Variants in GNAL observed in about 807,000 individuals in gnomAD.
GNAL encodes the protein G protein subunit alpha L.
In GNAL, 18 loss-of-function variants were observed where a neutral mutation model predicts 55.1. The ratio of observed to expected loss-of-function variants is 0.33; its 90% confidence interval spans 0.23 to 0.48. The LOEUF is 0.48. Among genes scored for constraint, GNAL ranks in the 20% least tolerant of loss-of-function variants. GNAL has a pLI of 0.99. For missense variants in GNAL, 412 were observed against 614.1 expected, an observed-to-expected ratio of 0.67 and a Z score of 3.48; for synonymous variants, 253 against 237.0, an observed-to-expected ratio of 1.07 and a Z score of -0.62.
intron 1 of GNAL, among the ~76,000 whole-genome samples, chr18:11,730,036 C>T (rs192244456): frequency 0.018 from 2,724 of 151,370 alleles, 87 homozygotes; most frequent in African/African-American, 0.064. Flanking sequence ...CTTTTCTTTT[C>T]TTTTCTTTTT....
intron 5 of GNAL, among the ~76,000 whole-genome samples, chr18:11,844,734 C>T (rs1449089173): frequency 2.0e-5 from 3 of 152,334 alleles, no homozygotes; most frequent in East Asian, 1.9e-4. Flanking sequence ...TGACTTCTCA[C>T]AATCTGTTCC....
intron 4 of GNAL, 29 bp downstream of exon 4, chr18:11,753,974 C>T (rs746198959): frequency 6.5e-7 from 1 of 1,541,876 alleles, no homozygotes; most frequent in Non-Finnish European, 8.9e-7. Context: ...AATATTCTAA[C>T]TAGTGAAAGA....
chr18:11,851,654 C>T (rs758967526), intron 5 of GNAL: 3 of 1,613,980 alleles, frequency 1.9e-6, no homozygotes, highest in Admixed American at 1.7e-5. Flanking sequence ...ATGGAAGTTG[C>T]GAGGATACAC....
At chr18:11,819,720 A>AT (rs923394376) in intron 4 of GNAL, among the ~76,000 whole-genome samples, 8 of 152,032 alleles carry the variant, frequency 5.3e-5, no homozygotes, top group African/African-American at 1.9e-4. Context: ...CACAAAAAAA[A>AT]CCCTGAAATT....
intron 1 of GNAL, among the ~76,000 whole-genome samples, chr18:11,750,914 G>C (rs1350348930): frequency 1.3e-5 from 2 of 152,130 alleles, no homozygotes. Context: ...GAGTGGAGAG[G>C]GGAAGGTGCG....
Position 11,759,062 on chromosome 18 carries a change from A to G in GNAL, c.624+5117A>G, listed in dbSNP as rs185740172. Among the ~76,000 whole-genome samples, 907 of 152,226 alleles carry G rather than the reference A, an allele frequency of 6.0e-3. 14 individuals carry two copies. Among genetic ancestry groups the G allele is most frequent in the African/African-American group, 0.02 (851 of 41,518 alleles). Reference sequence around the variant, plus strand: ...GTGGCGGGCGCCTGTAATCCCAGCTACTAGGGAGGCTGAGGCAGGAGAATA... The same window carrying G: ...GTGGCGGGCGCCTGTAATCCCAGCTGCTAGGGAGGCTGAGGCAGGAGAATA... On this transcript the variant is annotated intron_variant, in intron 4 of 11. Transcript: ENST00000334049.
intron 5 of GNAL, among the ~76,000 whole-genome samples, chr18:11,838,687 C>T (rs1261912832): frequency 1.3e-5 from 2 of 152,120 alleles, no homozygotes; most frequent in East Asian, 1.9e-4. Context: ...CCATGTGCCA[C>T]GCATGGTGAC....
chr18:11,775,728 C>T lies in GNAL; in HGVS notation c.624+21783C>T, dbSNP rs115689555. On this transcript the variant is annotated intron_variant, in intron 4 of 11. Transcript: ENST00000334049. ...AATTCCCAGGGGTTCCCGGTGTCTA[C>T]AACACAAATACAGTGACTGACGCAA... Among the ~76,000 whole-genome samples the T allele has an allele frequency of 7.4e-3, 1,120 of 152,282 alleles. 7 individuals carry two copies. The highest frequency in any genetic ancestry group is 0.026 in the African/African-American group (1,060 of 41,548).
At chr18:11,694,297 T>G (rs1355888597) in intron 1 of GNAL, among the ~76,000 whole-genome samples, 1 of 152,210 alleles carries the variant, frequency 6.6e-6, no homozygotes, top group Non-Finnish European at 1.5e-5. Context: ...GCTCCTCTCA[T>G]GGAGCACTGG....
chr18:11,819,457 A>T (rs1242848554), intron 4 of GNAL, among the ~76,000 whole-genome samples: 3 of 152,172 alleles, frequency 2.0e-5, no homozygotes, highest in African/African-American at 7.2e-5. Context: ...CTTTTAAAAA[A>T]TAGGTTTAAA....
At chr18:11,862,761 A>G (rs1393586074) in intron 6 of GNAL, among the ~76,000 whole-genome samples, 1 of 151,980 alleles carries the variant, frequency 6.6e-6, no homozygotes, top group Non-Finnish European at 1.5e-5. Flanking sequence ...TCCTGGCTTC[A>G]TAAACTATGC....
intron 1 of GNAL, among the ~76,000 whole-genome samples, chr18:11,700,898 C>T (rs753257854): frequency 6.6e-6 from 1 of 152,236 alleles, no homozygotes; most frequent in Non-Finnish European, 1.5e-5. Context: ...CAATGATACC[C>T]ATTCTTTGAG....
intron 4 of GNAL, among the ~76,000 whole-genome samples, chr18:11,779,948 G>C (rs375440125): frequency 1.3e-5 from 2 of 152,130 alleles, no homozygotes; most frequent in Admixed American, 1.3e-4. Flanking sequence ...TATGGAGAAG[G>C]CTTCTTCAGC....
intron 5 of GNAL, among the ~76,000 whole-genome samples, chr18:11,835,959 AC>A (rs2035488999): frequency 6.6e-6 from 1 of 152,118 alleles, no homozygotes; most frequent in Non-Finnish European, 1.5e-5. Context: ...AGCCTGGGTA[AC>A]ATGTTGAGAC....
Position 11,752,395 on chromosome 18 carries a change from A to G in GNAL, c.377-458A>G, listed in dbSNP as rs2143095480. ...TCCAACTCTCTATTGCTTTTTGCGC[A>G]CATTCCTAACTTCCTGACGTCCATC... On this transcript the variant is annotated intron_variant, in intron 1 of 11. Coordinates refer to ENST00000334049, the MANE Select transcript of GNAL (RefSeq NM_182978.4). This position sits in a 1 kb window ranked among gnomAD's most constrained non-coding sequence, Gnocchi z 4.5. 1 of 1,578,610 alleles carries G rather than the reference A, an allele frequency of 6.3e-7. No homozygotes were observed.
intron 2 of GNAL, 37 bp from the exon 3 acceptor site, chr18:11,753,591 A>G (rs1568011099): frequency 7.9e-7 from 1 of 1,268,848 alleles, no homozygotes. Flanking sequence ...CAGTGCTAAG[A>G]GTAAATTAAG....
intron 1 of GNAL, among the ~76,000 whole-genome samples, chr18:11,739,694 G>A (rs1419600190): frequency 6.6e-6 from 1 of 151,710 alleles, no homozygotes; most frequent in African/African-American, 2.4e-5. Flanking sequence ...CTTAAATTCA[G>A]GAAATACCTT....
intron 1 of GNAL, among the ~76,000 whole-genome samples, chr18:11,713,408 T>A (rs1312422951): frequency 6.6e-6 from 1 of 152,222 alleles, no homozygotes; most frequent in African/African-American, 2.4e-5. Flanking sequence ...TTTGGGTTTC[T>A]CCAGTTGGTC....
chr18:11,773,805 T>C (rs578003014), intron 4 of GNAL, among the ~76,000 whole-genome samples: 2 of 152,222 alleles, frequency 1.3e-5, no homozygotes, highest in African/African-American at 4.8e-5. Flanking sequence ...TCACAATAGT[T>C]TTACGCATAT....
Sources: allele counts gnomAD v4.1 joint callset (sites outside exome capture counted in the v4.1 genomes callset), GRCh38; gene constraint gnomAD v4.1.1; non-coding constraint Gnocchi (gnomAD v3.1); transcripts MANE v1.5; gene names NCBI Gene and HGNC (gene_info 2026-07-23, HGNC 2026-07-21).